The following FANCC variants were observed in gnomAD, a reference collection of about 807,000 sequenced individuals.
FANCC encodes the protein FA complementation group C.
A neutral mutation model predicts 71.3 loss-of-function variants in FANCC; 55 were observed. That is an observed-to-expected ratio of 0.77 (90% CI 0.62 to 0.97). The LOEUF is 0.97. FANCC is among the 50% of genes least tolerant of loss of function. The pLI is 0.00. For synonymous variants in FANCC, 275 were observed against 244.9 expected, an observed-to-expected ratio of 1.12 and a Z score of -1.15; for missense variants, 678 against 670.9, an observed-to-expected ratio of 1.01 and a Z score of -0.12.
intron 4 of FANCC, among the ~76,000 whole-genome samples, chr9:95,188,064 T>C (rs1016139286): frequency 1.3e-5 from 2 of 152,224 alleles, no homozygotes; most frequent in African/African-American, 4.8e-5. Context: ...TTAGTTTCCA[T>C]GGTTCAGTGC....
chr9:95,265,347 C>T (rs1159567153), intron 1 of FANCC, among the ~76,000 whole-genome samples: 1 of 152,160 alleles, frequency 6.6e-6, no homozygotes, highest in Non-Finnish European at 1.5e-5. Flanking sequence ...TTACTAGGCT[C>T]AATTCTCCCA....
chr9:95,249,339 C>G lies in FANCC; in HGVS notation c.-48G>C. 6.3e-7 allele frequency: 1 copy of G among 1,581,072 alleles called. No individual in the cohort carries two copies. Among genetic ancestry groups the G allele is most frequent in the Non-Finnish European group, 8.7e-7 (1 of 1,151,378 alleles). On this transcript the variant is annotated 5_prime_UTR_variant, in exon 2 of 15. Coordinates refer to ENST00000289081, the MANE Select transcript of FANCC (RefSeq NM_000136.3). Reference sequence around the variant, plus strand: ...TGTCCCTTCACAGCAGCCTGTCCAGCACTGAAGGAAATGGTCGGCACACAT... The same window carrying G: ...TGTCCCTTCACAGCAGCCTGTCCAGGACTGAAGGAAATGGTCGGCACACAT...
intron 2 of FANCC, among the ~76,000 whole-genome samples, chr9:95,248,271 T>G (rs980024244): frequency 2.0e-5 from 3 of 152,244 alleles, no homozygotes; most frequent in Middle Eastern, 3.2e-3. Flanking sequence ...TTTCTGCTAC[T>G]GCAGCAAAAC....
chr9:95,254,626 T>C (rs1831548045), intron 1 of FANCC, among the ~76,000 whole-genome samples: 1 of 152,170 alleles, frequency 6.6e-6, no homozygotes, highest in Non-Finnish European at 1.5e-5. Context: ...ACCAGGGCCC[T>C]GGGTTTTAAG....
intron 4 of FANCC, among the ~76,000 whole-genome samples, chr9:95,218,531 CA>C (rs1342509473): frequency 6.6e-6 from 1 of 152,054 alleles, no homozygotes; most frequent in African/African-American, 2.4e-5. Context: ...AACAACAGAT[CA>C]ATATTTCTCA....
At chr9:95,182,296 G>A (rs369419417) in intron 4 of FANCC, among the ~76,000 whole-genome samples, 4 of 151,814 alleles carry the variant, frequency 2.6e-5, no homozygotes, top group African/African-American at 9.7e-5. Flanking sequence ...CGAGGCAGGC[G>A]GATCACAAGG....
At chr9:95,175,997 T>C (rs934819875) in intron 4 of FANCC, among the ~76,000 whole-genome samples, 16 of 152,226 alleles carry the variant, frequency 1.1e-4, no homozygotes, top group African/African-American at 3.9e-4. Flanking sequence ...GTCAGAAGAA[T>C]GCAACCTTCT....
intron 6 of FANCC, among the ~76,000 whole-genome samples, chr9:95,155,080 G>A (rs1391308733): frequency 2.7e-5 from 4 of 150,108 alleles, no homozygotes; most frequent in Admixed American, 1.3e-4. Context: ...GGTGGCACAC[G>A]CCTGTAGTCC....
chr9:95,312,259 G>A (rs79368746), intron 1 of FANCC, among the ~76,000 whole-genome samples: 1,724 of 152,346 alleles, frequency 0.011, 32 homozygotes, highest in African/African-American at 0.039. Flanking sequence ...ATTTCTTGAG[G>A]AAGTTCAGAG....
intron 1 of FANCC, chr9:95,294,372 C>T (rs1277607378): frequency 1.4e-5 from 23 of 1,593,268 alleles, no homozygotes; most frequent in East Asian, 2.2e-5. Flanking sequence ...ACTTCTTACT[C>T]GCAGATACCT....
At chr9:95,253,598 T>C (rs905310375) in intron 1 of FANCC, among the ~76,000 whole-genome samples, 2 of 152,186 alleles carry the variant, frequency 1.3e-5, no homozygotes, top group Non-Finnish European at 2.9e-5. Context: ...ATTAGTGGTA[T>C]GGTGTCTGAC....
chr9:95,310,682 C>T (rs1835342028), intron 1 of FANCC, among the ~76,000 whole-genome samples: 1 of 152,112 alleles, frequency 6.6e-6, no homozygotes, highest in African/African-American at 2.4e-5. Context: ...AGTCCACCCC[C>T]AGGAGCTAGA....
chr9:95,136,883 G>A (rs566077162), intron 7 of FANCC, among the ~76,000 whole-genome samples: 1 of 152,244 alleles, frequency 6.6e-6, no homozygotes, highest in African/African-American at 2.4e-5. Flanking sequence ...TCCCTGGAGG[G>A]AGCATGAGGG....
At chr9:95,189,385 C>T (rs537883677) in intron 4 of FANCC, among the ~76,000 whole-genome samples, 12 of 152,264 alleles carry the variant, frequency 7.9e-5, no homozygotes, top group Admixed American at 2.6e-4. Context: ...CCTCCCAGCG[C>T]CCGTTGTTTA....
intron 1 of FANCC, among the ~76,000 whole-genome samples, chr9:95,263,271 G>A (rs999061548): frequency 6.6e-6 from 1 of 151,980 alleles, no homozygotes; most frequent in African/African-American, 2.4e-5. Context: ...TGCCCACCCA[G>A]CAGCCCTAAG....
intron 8 of FANCC, among the ~76,000 whole-genome samples, chr9:95,130,688 G>A (rs749722658): frequency 5.9e-5 from 9 of 152,272 alleles, no homozygotes; most frequent in Non-Finnish European, 1.3e-4. Context: ...CCGTCCCACC[G>A]TGTAGCTGTT....
chr9:95,122,485 CT>C (rs2072962893), intron 10 of FANCC, among the ~76,000 whole-genome samples: 1 of 152,152 alleles, frequency 6.6e-6, no homozygotes, highest in African/African-American at 2.4e-5. Flanking sequence ...AGCAAAGAGA[CT>C]TTCCTTTCCT....
chr9:95,143,247 C>T (rs374067340), intron 7 of FANCC, among the ~76,000 whole-genome samples: 4 of 152,182 alleles, frequency 2.6e-5, no homozygotes, highest in East Asian at 3.8e-4. Flanking sequence ...TCTCCAGGCA[C>T]GTCACCTTCC....
chr9:95,229,687 G>A (rs1829867295), intron 4 of FANCC, among the ~76,000 whole-genome samples: 1 of 152,014 alleles, frequency 6.6e-6, no homozygotes, highest in Non-Finnish European at 1.5e-5. Flanking sequence ...TGTCACACAG[G>A]CAGCTGAAAA....
Sources: gnomAD v4.1 joint callset for allele counts (sites outside exome capture counted in the v4.1 genomes callset) on GRCh38, gnomAD v4.1.1 for gene constraint, MANE v1.5 for transcripts, NCBI Gene and HGNC (gene_info 2026-07-23, HGNC 2026-07-21) for gene names.